The following ERI1 variants were observed in gnomAD, a reference collection of about 807,000 sequenced individuals.
The protein encoded by ERI1 is exoribonuclease 1.
Under a neutral mutation model 39.7 loss-of-function variants are expected in ERI1, and 39 were observed. The observed-to-expected ratio is 0.98, with a 90% confidence interval of 0.76 to 1.28. The LOEUF (loss-of-function observed/expected upper bound fraction) is 1.28. Among genes scored for constraint, ERI1 ranks in the 50% most tolerant of loss-of-function variants. The pLI, the probability that ERI1 is intolerant of heterozygous loss-of-function variation, is 0.00. For synonymous variants in ERI1, 204 were observed against 149.6 expected (o/e 1.36, Z -2.65); for missense variants, 581 against 416.9 (o/e 1.39, Z -3.43).
At chr8:9,080,539 C>G (rs906857982) in intron 3 of ERI1, among the ~76,000 whole-genome samples, 2 of 152,262 alleles carry the variant, frequency 1.3e-5, no homozygotes, top group Non-Finnish European at 2.9e-5. Flanking sequence ...TGAGGCCACA[C>G]TGCACACCTT....
At chr8:9,003,380 GA>G (rs1815586550) in intron 1 of ERI1, among the ~76,000 whole-genome samples, 6 of 152,224 alleles carry the variant, frequency 3.9e-5, no homozygotes, top group Admixed American at 3.9e-4. Flanking sequence ...TGGGAGGGAG[GA>G]AATCGTCAAG....
chr8:9,092,928 T>G (rs1362935551), intron 3 of ERI1, among the ~76,000 whole-genome samples: 1 of 152,206 alleles, frequency 6.6e-6, no homozygotes, highest in Non-Finnish European at 1.5e-5. Context: ...GCCTGTCTCC[T>G]GGCTTCTGGT....
At chr8:9,022,907 G>A (rs775860855) in intron 6 of ERI1, among the ~76,000 whole-genome samples, 2 of 152,122 alleles carry the variant, frequency 1.3e-5, no homozygotes, top group Non-Finnish European at 2.9e-5. Flanking sequence ...CAGACATTAT[G>A]TTATCTGATC....
chr8:9,068,898 C>T (rs929804981), intron 3 of ERI1, among the ~76,000 whole-genome samples: 2 of 152,064 alleles, frequency 1.3e-5, no homozygotes, highest in African/African-American at 4.8e-5. Flanking sequence ...CTGACTGCAG[C>T]GTTGACTCCC....
intron 6 of ERI1, among the ~76,000 whole-genome samples, chr8:9,028,689 T>A (rs1433261075): frequency 6.6e-6 from 1 of 152,162 alleles, no homozygotes; most frequent in African/African-American, 2.4e-5. Context: ...AGTGGAGTGA[T>A]CTTGGCTCAC....
In ERI1 at chr8:9,032,466, G is replaced by C. The variant is rs1797656191; in HGVS notation, c.*2432G>C. Reference sequence around the variant, plus strand: ...CTTTATTTGTGTTCTGTTGGATCAAGTATTTAACATTTGCTCTGAAAAAAA... The same window carrying C: ...CTTTATTTGTGTTCTGTTGGATCAACTATTTAACATTTGCTCTGAAAAAAA... On this transcript the variant is annotated 3_prime_UTR_variant, in exon 7 of 7. Transcript: ENST00000250263. 6.6e-6 allele frequency: 1 copy of C among 151,988 alleles called. No homozygotes were observed. 9.4% of individuals were successfully genotyped at this position (151,988 alleles called of 1,614,324 possible).
intron 2 of ERI1, among the ~76,000 whole-genome samples, chr8:9,010,600 CATG>C (rs1338875870): frequency 6.6e-6 from 1 of 151,626 alleles, no homozygotes; most frequent in Non-Finnish European, 1.5e-5. Flanking sequence ...AATCAGTTAA[CATG>C]ATACTTTACT....
rs1245071332 is a variant in ERI1 at position 9,021,136 on chromosome 8, C to T, written c.807+672C>T. Among the ~76,000 whole-genome samples, 9 of 152,084 alleles carry T rather than the reference C, an allele frequency of 5.9e-5. 1 individual carries two copies. The highest frequency in any genetic ancestry group is 9.7e-5 in the African/African-American group (4 of 41,412). ...TCAGAGCACTCAGTGTTCATACTCC[C>T]GTGACTATGGAGAGTGTCCACAACT... On this transcript the variant is annotated intron_variant, in intron 6 of 6. Coordinates refer to ENST00000250263, the MANE Select transcript of ERI1 (RefSeq NM_153332.4).
chr8:9,011,143 GT>G (rs1816622918), intron 2 of ERI1, among the ~76,000 whole-genome samples: 1 of 152,010 alleles, frequency 6.6e-6, no homozygotes, highest in Non-Finnish European at 1.5e-5. Flanking sequence ...ATATTCTTAA[GT>G]TTATATTTTG....
intron 3 of ERI1, among the ~76,000 whole-genome samples, chr8:9,051,513 A>C (rs1444337209): frequency 6.6e-6 from 1 of 152,008 alleles, no homozygotes; most frequent in Non-Finnish European, 1.5e-5. Flanking sequence ...AAAAATAAGC[A>C]GGGCATGGTA....
rs1180635861 is a variant in ERI1 at position 9,004,061 on chromosome 8, C to G, written c.108+890C>G. ...AATTGCATCTCACACAGTTTTTTCCCTTTTGTTCCCAGTGCCCCTCGCTGC... is the reference window on the plus strand; with the variant it reads ...AATTGCATCTCACACAGTTTTTTCCGTTTTGTTCCCAGTGCCCCTCGCTGC... On this transcript the variant is annotated intron_variant, in intron 1 of 6. Transcript: ENST00000250263. 18 of 1,288,864 alleles carry G rather than the reference C, an allele frequency of 1.4e-5. No homozygotes were observed. In the Admixed American group the frequency reaches 2.1e-4, roughly 15 times the overall value. The allele number at this position is 1,288,864 out of a possible 1,614,324, so 79.8% of individuals were successfully genotyped here.
intron 3 of ERI1, among the ~76,000 whole-genome samples, chr8:9,041,311 C>A (rs1020845145): frequency 2.6e-5 from 4 of 151,976 alleles, no homozygotes; most frequent in Non-Finnish European, 4.4e-5. Flanking sequence ...TTGTATTCTC[C>A]CAAGAGAGAA....
chr8:9,036,442 C>CAT (rs1477245655), downstream of ERI1, among the ~76,000 whole-genome samples: 1 of 152,226 alleles, frequency 6.6e-6, no homozygotes, highest in Non-Finnish European at 1.5e-5. Flanking sequence ...GCTGAACACT[C>CAT]ATGATTGTTA....
At chr8:9,016,920 C>G (rs1817360521) in intron 4 of ERI1, among the ~76,000 whole-genome samples, 1 of 152,188 alleles carries the variant, frequency 6.6e-6, no homozygotes, top group Admixed American at 6.5e-5. Context: ...CACCTAACCT[C>G]AAGTGTCCCG....
intron 6 of ERI1, among the ~76,000 whole-genome samples, chr8:9,022,117 C>G (rs772385028): frequency 2.0e-5 from 3 of 151,686 alleles, no homozygotes; most frequent in Non-Finnish European, 2.9e-5. Flanking sequence ...CTTATCAGTG[C>G]TATGTGAGTT....
chr8:9,088,337 C>A (rs1250881527), intron 3 of ERI1: 4 of 152,032 alleles, frequency 2.6e-5, no homozygotes, highest in Admixed American at 2.6e-4. Flanking sequence ...GACTCAATTT[C>A]CCACTTTCTT....
At chr8:9,028,973 GTTTTTTTTTT>G (rs34569795) in intron 6 of ERI1, among the ~76,000 whole-genome samples, 4 of 113,094 alleles carry the variant, frequency 3.5e-5, no homozygotes, top group Admixed American at 9.3e-5. Flanking sequence ...GAGTGTGAGA[GTTTTTTTTTT>G]TTTTTTTTTT....
At chr8:9,082,533 G>A (rs1232534916) in intron 3 of ERI1, among the ~76,000 whole-genome samples, 1 of 152,148 alleles carries the variant, frequency 6.6e-6, no homozygotes, top group Non-Finnish European at 1.5e-5. Context: ...GTCCATATCT[G>A]TGTAAAAGAT....
chr8:9,075,908 G>A (rs981103533), intron 3 of ERI1, among the ~76,000 whole-genome samples: 1 of 152,124 alleles, frequency 6.6e-6, no homozygotes, highest in Non-Finnish European at 1.5e-5. Flanking sequence ...AAAGTGTTGC[G>A]ATTACAGGGG....
Sources: gnomAD v4.1 joint callset for allele counts (sites outside exome capture counted in the v4.1 genomes callset) on GRCh38, gnomAD v4.1.1 for gene constraint, MANE v1.5 for transcripts, NCBI Gene and HGNC (gene_info 2026-07-23, HGNC 2026-07-21) for gene names.